Variants in ASIC2 observed in about 807,000 individuals in gnomAD.
ASIC2 encodes the protein acid sensing ion channel subunit 2.
In ASIC2, 25 loss-of-function variants were observed where a neutral mutation model predicts 57.3. The observed-to-expected ratio is 0.44, with a 90% CI of 0.32 to 0.61. ASIC2 has a LOEUF of 0.61. Among genes scored for constraint, ASIC2 ranks in the 20% least tolerant of loss-of-function variants. The probability of loss-of-function intolerance (pLI) is 0.06; values close to 1 mark genes in which losing one functional copy is unlikely to be tolerated. For missense variants in ASIC2, 641 were observed against 738.1 expected, an observed-to-expected ratio of 0.87 and a Z score of 1.52; for synonymous variants, 319 against 307.5, an observed-to-expected ratio of 1.04 and a Z score of -0.39.
At chr17:33,909,868 C>T (rs182763030) in intron 1 of ASIC2, among the ~76,000 whole-genome samples, 13 of 152,258 alleles carry the variant, frequency 8.5e-5, no homozygotes, top group African/African-American at 3.1e-4. Context: ...CTCTCATCCC[C>T]TGAAGAGAAA....
chr17:34,013,945 C>A (rs1312166637), intron 1 of ASIC2, among the ~76,000 whole-genome samples: 1 of 152,146 alleles, frequency 6.6e-6, no homozygotes, highest in Non-Finnish European at 1.5e-5. Flanking sequence ...GGACACCAGG[C>A]AGGTTCAAAG....
At chr17:33,804,337 T>C (rs931391630) in intron 1 of ASIC2, among the ~76,000 whole-genome samples, 2 of 152,224 alleles carry the variant, frequency 1.3e-5, no homozygotes, top group African/African-American at 4.8e-5. Context: ...ACTCTGCTCC[T>C]GTAGCTGAGC....
intron 3 of ASIC2, among the ~76,000 whole-genome samples, chr17:33,086,996 G>A (rs2092136687): frequency 6.6e-6 from 1 of 151,994 alleles, no homozygotes; most frequent in South Asian, 2.1e-4. Context: ...TATGAATTGG[G>A]GTTGAGTTCA....
At chr17:33,462,970 C>T (rs887615679) in intron 1 of ASIC2, among the ~76,000 whole-genome samples, 3 of 152,314 alleles carry the variant, frequency 2.0e-5, no homozygotes, top group South Asian at 2.1e-4. Context: ...TTACTTCCTG[C>T]GGATCTCTTC....
chr17:33,135,315 CT>C (rs1198377951), intron 1 of ASIC2, among the ~76,000 whole-genome samples: 1 of 152,168 alleles, frequency 6.6e-6, no homozygotes, highest in Non-Finnish European at 1.5e-5. Flanking sequence ...CTAGAAAATA[CT>C]TTCCCCTCTT....
At chr17:34,024,385 T>C (rs1014725900) in intron 1 of ASIC2, among the ~76,000 whole-genome samples, 6 of 152,258 alleles carry the variant, frequency 3.9e-5, no homozygotes, top group African/African-American at 1.4e-4. Context: ...TCTCTGTAGT[T>C]ACAAGGAACC....
At chr17:33,234,340 C>T (rs190090205) in intron 1 of ASIC2, among the ~76,000 whole-genome samples, 16 of 152,266 alleles carry the variant, frequency 1.1e-4, no homozygotes, top group Non-Finnish European at 2.2e-4. Flanking sequence ...TAGGAAAAGC[C>T]GTGGATATGT....
intron 1 of ASIC2, among the ~76,000 whole-genome samples, chr17:33,999,050 A>G (rs1285461034): frequency 6.6e-6 from 1 of 152,078 alleles, no homozygotes; most frequent in African/African-American, 2.4e-5. Context: ...CCAATGTTGG[A>G]TGTATATATA....
At chr17:33,347,170 G>A (rs940635086) in intron 1 of ASIC2, among the ~76,000 whole-genome samples, 4 of 152,142 alleles carry the variant, frequency 2.6e-5, no homozygotes, top group Admixed American at 1.3e-4. Flanking sequence ...CAAGAGGAGG[G>A]GTGGCCTTTG....
At chr17:33,825,771 T>C (rs529773430) in intron 1 of ASIC2, among the ~76,000 whole-genome samples, 4 of 152,354 alleles carry the variant, frequency 2.6e-5, no homozygotes, top group Non-Finnish European at 4.4e-5. Context: ...GAAAAATTCT[T>C]GGCTACTGTT....
chr17:33,679,428 T>C (rs1169098415), intron 1 of ASIC2, among the ~76,000 whole-genome samples: 1 of 152,228 alleles, frequency 6.6e-6, no homozygotes, highest in Non-Finnish European at 1.5e-5. Flanking sequence ...CATTGTTTTA[T>C]TCATTCATTA....
intron 3 of ASIC2, 125 bp downstream of exon 3, chr17:33,088,738 A>G: frequency 1.5e-6 from 2 of 1,344,868 alleles, no homozygotes; most frequent in Non-Finnish European, 1.9e-6. Flanking sequence ...AGGTTAGCCA[A>G]CATCTTTCTC....
intron 1 of ASIC2, among the ~76,000 whole-genome samples, chr17:33,155,176 C>G (rs1015963769): frequency 1.3e-5 from 2 of 152,238 alleles, no homozygotes; most frequent in African/African-American, 4.8e-5. Context: ...AGGAGCCCAG[C>G]GCCCAACCCC....
At chr17:33,786,231 G>T (rs1296813902) in intron 1 of ASIC2, among the ~76,000 whole-genome samples, 1 of 152,096 alleles carries the variant, frequency 6.6e-6, no homozygotes, top group African/African-American at 2.4e-5. Context: ...TAGAAGGTGA[G>T]CCCTGAGTTA....
chr17:34,089,762 C>A (rs1414381700), intron 1 of ASIC2, among the ~76,000 whole-genome samples: 1 of 152,130 alleles, frequency 6.6e-6, no homozygotes, highest in African/African-American at 2.4e-5. Flanking sequence ...CTCTTGAAAT[C>A]TGCTCTCCCC....
chr17:33,682,481 C>T (rs1908041655), intron 1 of ASIC2, among the ~76,000 whole-genome samples: 1 of 152,030 alleles, frequency 6.6e-6, no homozygotes, highest in African/African-American at 2.4e-5. Flanking sequence ...CTAGAAATCA[C>T]ATTAAATCTA....
At chr17:33,683,067 T>C (rs935434351) in intron 1 of ASIC2, among the ~76,000 whole-genome samples, 1 of 152,220 alleles carries the variant, frequency 6.6e-6, no homozygotes, top group African/African-American at 2.4e-5. Flanking sequence ...AGGGTGTCAG[T>C]AGGCCACGCT....
At chr17:33,425,435 G>C (rs1911184925) in intron 1 of ASIC2, among the ~76,000 whole-genome samples, 1 of 152,162 alleles carries the variant, frequency 6.6e-6, no homozygotes, top group Non-Finnish European at 1.5e-5. Context: ...ATAATAGTTG[G>C]GGGAAAGTGA....
intron 7 of ASIC2, among the ~76,000 whole-genome samples, chr17:33,018,893 G>A (rs2091821862): frequency 6.6e-6 from 1 of 152,316 alleles, no homozygotes; most frequent in South Asian, 2.1e-4. Context: ...CTCTTGGCCT[G>A]AGAACTCTCT....
Sources: allele counts gnomAD v4.1 joint callset (sites outside exome capture counted in the v4.1 genomes callset), GRCh38; gene constraint gnomAD v4.1.1; transcripts MANE v1.5; gene names NCBI Gene and HGNC (gene_info 2026-07-23, HGNC 2026-07-21).